FHL2: variants seen among roughly 807,000 people sequenced by gnomAD.
FHL2 encodes the protein four and a half LIM domains protein 2.
FHL2 carries 20 observed loss-of-function variants against 32.7 expected under a neutral mutation model. The observed-to-expected ratio is 0.61, with a 90% CI of 0.43 to 0.89. FHL2 has a LOEUF of 0.89. Among genes scored for constraint, FHL2 ranks in the 40% least tolerant of loss-of-function variants. The pLI, the probability that FHL2 is intolerant of heterozygous loss-of-function variation, is 0.00. For missense variants in FHL2, 311 were observed against 358.6 expected (o/e 0.87, Z 1.07); for synonymous variants, 123 against 128.1 (o/e 0.96, Z 0.27).
At chr2:105,420,729 A>G (rs1684076201) in intron 1 of FHL2, among the ~76,000 whole-genome samples, 1 of 152,102 alleles carries the variant, frequency 6.6e-6, no homozygotes, top group Admixed American at 6.6e-5. Context: ...AACTGTTCCA[A>G]CTCAGATAAT....
intron 3 of FHL2, among the ~76,000 whole-genome samples, chr2:105,381,760 A>G (rs1281985794): frequency 6.6e-6 from 1 of 152,148 alleles, no homozygotes; most frequent in African/African-American, 2.4e-5. Context: ...CAAATTCTAC[A>G]CGGAAGAAGA....
At chr2:105,368,129 C>T (rs1240833367) in intron 4 of FHL2, among the ~76,000 whole-genome samples, 2 of 152,172 alleles carry the variant, frequency 1.3e-5, no homozygotes, top group African/African-American at 4.8e-5. Context: ...CTGTATTCAC[C>T]TATTGCACAC....
intron 1 of FHL2, among the ~76,000 whole-genome samples, chr2:105,410,333 A>G (rs1179617280): frequency 1.3e-5 from 2 of 152,200 alleles, no homozygotes; most frequent in Non-Finnish European, 2.9e-5. Context: ...CCCCAAGCAG[A>G]TAACCCCACA....
chr2:105,363,095 G>C (rs1680392046), intron 6 of FHL2, 190 bp downstream of exon 6: 2 of 588,202 alleles, frequency 3.4e-6, no homozygotes, highest in South Asian at 4.5e-5. Context: ...GCAGAGGAAG[G>C]AATCATTACT....
intron 5 of FHL2, among the ~76,000 whole-genome samples, chr2:105,364,006 C>T (rs1680464606): frequency 6.6e-6 from 1 of 152,182 alleles, no homozygotes; most frequent in Admixed American, 6.5e-5. Flanking sequence ...CCTGTAATCT[C>T]AGGACTTTGG....
chr2:105,422,646 CAAAA>C (rs10715306), intron 1 of FHL2, among the ~76,000 whole-genome samples: 4 of 113,948 alleles, frequency 3.5e-5, no homozygotes, highest in Non-Finnish European at 7.6e-5. Flanking sequence ...TCATCTCTGG[CAAAA>C]AAAAAAAAAA....
Position 105,363,378 on chromosome 2 carries a change from G to A in FHL2, c.595C>T (p.Arg199Cys), listed in dbSNP as rs373259092. Reference protein sequence around the residue: ...TACRKQLSGQRFTARDDFAYC... With the variant: ...TACRKQLSGQCFTARDDFAYC... Reference sequence around the variant, plus strand: ...GCAAAGTCATCGCGAGCTGTGAAGCGCTGCCCAGACAGCTGCTTCCTGCAG... The same window carrying A: ...GCAAAGTCATCGCGAGCTGTGAAGCACTGCCCAGACAGCTGCTTCCTGCAG... Residue 199 changes from arginine to cysteine, a missense_variant, in exon 6 of 7, where the codon CGC becomes TGC. Physicochemically the swap from Arg to Cys is radical, Grantham distance 180. Coordinates refer to ENST00000530340, the MANE Select transcript of FHL2 (RefSeq NM_001318895.3). 1.7e-5 allele frequency: 28 copies of A among 1,613,940 alleles called. No individual in the cohort carries two copies. The highest frequency in any genetic ancestry group is 1.1e-4 in the East Asian group (5 of 44,892).
chr2:105,425,825 G>A (rs1018348452), intron 1 of FHL2, among the ~76,000 whole-genome samples: 3 of 151,406 alleles, frequency 2.0e-5, no homozygotes, highest in African/African-American at 4.9e-5. Flanking sequence ...TTATTATCAC[G>A]CTGCTCTCCT....
chr2:105,432,590 G>A (rs1049093333), intron 1 of FHL2, among the ~76,000 whole-genome samples: 3 of 151,604 alleles, frequency 2.0e-5, no homozygotes, highest in African/African-American at 7.2e-5. Context: ...CAAAAAGGAA[G>A]TTTACAGAGT....
At position 105,363,293 on chromosome 2, in the gene FHL2, G is replaced by A; in HGVS notation, c.680C>T (p.Pro227Leu). 6.2e-7 allele frequency: 1 copy of A among 1,614,106 alleles called. No homozygotes were observed. Among genetic ancestry groups the A allele is most frequent in the Non-Finnish European group, 8.5e-7 (1 of 1,179,976 alleles). The change falls in exon 6 of 7, where the codon CCC becomes CTC. Residue 227 changes from proline to leucine, a missense_variant. Physicochemically the swap from Pro to Leu is moderately conservative, Grantham distance 98. Coordinates refer to ENST00000530340, the MANE Select transcript of FHL2 (RefSeq NM_001318895.3). ...YAKKCAGCTNPISGLGGTKYI... is the reference protein window; with the variant it reads ...YAKKCAGCTNLISGLGGTKYI... ...AACCCCGGGACACTCACCGCTGATG[G>A]GGTTGGTGCACCCAGCACACTTCTT...
Position 105,425,561 on chromosome 2 carries a change from C to G in FHL2, c.-25+12838G>C, listed in dbSNP as rs552457545. 1.3e-5 allele frequency among the ~76,000 whole-genome samples: 2 copies of G among 151,344 alleles called. 1 individual carries two copies. The highest frequency in any genetic ancestry group is 4.2e-4 in the South Asian group (2 of 4,748). On this transcript the variant is annotated intron_variant, in intron 1 of 5. Coordinates refer to the FHL2 transcript ENST00000393352. ...GGAAGGCCACTGTCTCCTGCTTGCC[C>G]CTGGGAACTGAATGTCTCGGTGTAA...
chr2:105,385,511 T>G (rs1573339268), intron 3 of FHL2, among the ~76,000 whole-genome samples: 1 of 152,226 alleles, frequency 6.6e-6, no homozygotes, highest in Admixed American at 6.5e-5. Context: ...TGAACTGACT[T>G]GGTGCCCATT....
At chr2:105,419,632 G>A (rs567634524) in intron 1 of FHL2, among the ~76,000 whole-genome samples, 1 of 152,174 alleles carries the variant, frequency 6.6e-6, no homozygotes, top group South Asian at 2.1e-4. Context: ...TACTCTCCCA[G>A]TCCTAGAAGC....
chr2:105,435,828 T>C (rs1160732940), intron 1 of FHL2, among the ~76,000 whole-genome samples: 1 of 152,054 alleles, frequency 6.6e-6, no homozygotes, highest in Non-Finnish European at 1.5e-5. Flanking sequence ...TCTCAAAACA[T>C]AAATAAATAA....
At chr2:105,379,050 G>T (rs767484035) in intron 3 of FHL2, among the ~76,000 whole-genome samples, 1 of 152,158 alleles carries the variant, frequency 6.6e-6, no homozygotes, top group Non-Finnish European at 1.5e-5. Flanking sequence ...AGGAGCACGT[G>T]ATTAAATTGC....
chr2:105,390,252 A>G (rs1296941400), intron 2 of FHL2: 2 of 153,504 alleles, frequency 1.3e-5, no homozygotes, highest in African/African-American at 4.8e-5. Flanking sequence ...AAATAAATCT[A>G]AGAGAATAAA....
At chr2:105,393,726 CAT>C (rs1159274571) in intron 2 of FHL2, among the ~76,000 whole-genome samples, 1 of 152,204 alleles carries the variant, frequency 6.6e-6, no homozygotes, top group African/African-American at 2.4e-5. Context: ...AAATTAGAAA[CAT>C]ATTATGTGAA....
intron 1 of FHL2, among the ~76,000 whole-genome samples, chr2:105,423,068 T>A (rs1219757594): frequency 6.6e-6 from 1 of 152,130 alleles, no homozygotes. Context: ...ACTCAGGAAG[T>A]GGTATCAAGC....
At chr2:105,363,537 C>G in intron 5 of FHL2, 66 bp from the exon 6 acceptor site, 1 of 1,424,926 alleles carries the variant, frequency 7.0e-7, no homozygotes, top group South Asian at 1.3e-5. Context: ...GTCTCAGCTA[C>G]TGCCACTGGA....
Sources: gnomAD v4.1 joint callset for allele counts (sites outside exome capture counted in the v4.1 genomes callset) on GRCh38, gnomAD v4.1.1 for gene constraint, MANE v1.5 for transcripts, NCBI Gene and HGNC (gene_info 2026-07-23, HGNC 2026-07-21) for gene names.